The following TSPAN18 variants were observed in gnomAD, a reference collection of about 807,000 sequenced individuals.
TSPAN18 encodes the protein tetraspanin-18.
In TSPAN18, 14 loss-of-function variants were observed where a neutral mutation model predicts 27.3. The ratio of observed to expected loss-of-function variants is 0.51; its 90% confidence interval spans 0.34 to 0.80. The LOEUF (loss-of-function observed/expected upper bound fraction) is 0.80, where lower values mean the gene tolerates loss of function less well. Ranked by LOEUF, TSPAN18 falls within the 30% of genes least tolerant of loss-of-function variation. TSPAN18 has a pLI of 0.01. For synonymous variants in TSPAN18, 143 were observed against 136.5 expected (o/e 1.05, Z -0.33); for missense variants, 268 against 323.9 (o/e 0.83, Z 1.32).
intron 2 of TSPAN18, among the ~76,000 whole-genome samples, chr11:44,849,390 A>G (rs1407279178): frequency 1.3e-5 from 2 of 152,210 alleles, no homozygotes; most frequent in African/African-American, 2.4e-5. Flanking sequence ...CAGAAGAAGT[A>G]GCTAAGCAAG....
intron 1 of TSPAN18, among the ~76,000 whole-genome samples, chr11:44,745,634 A>C (rs1385386809): frequency 6.6e-6 from 1 of 152,198 alleles, no homozygotes; most frequent in Middle Eastern, 3.2e-3. Context: ...TGGTGGGAAC[A>C]TAGGTATGCT....
chr11:44,767,083 C>T (rs190101809), intron 2 of TSPAN18, among the ~76,000 whole-genome samples: 25 of 152,248 alleles, frequency 1.6e-4, no homozygotes, highest in African/African-American at 6.0e-4. Context: ...TGTAACCAAA[C>T]AGTGGGGTTA....
rs538375580 is a variant in TSPAN18, at chr11:44,727,683, G to C, written c.-240+396G>C. Reference sequence around the variant, plus strand: ...AAGGGGCTGCTCGCCACGCCACCCGGTAAGACAGTGAGGGACCAGGGACTG... The same window carrying C: ...AAGGGGCTGCTCGCCACGCCACCCGCTAAGACAGTGAGGGACCAGGGACTG... On this transcript the variant is annotated intron_variant, in intron 1 of 9. Transcript: ENST00000520358. Among the ~76,000 whole-genome samples the C allele has an allele frequency of 1.4e-4, 21 of 152,274 alleles. 1 individual carries two copies. The South Asian group carries it at 3.9e-3, about 29-fold the overall frequency.
intron 2 of TSPAN18, among the ~76,000 whole-genome samples, chr11:44,851,675 C>T (rs1857610111): frequency 6.7e-6 from 1 of 149,464 alleles, no homozygotes; most frequent in Admixed American, 6.8e-5. Context: ...ATACATCTGC[C>T]AAAGCACAGC....
chr11:44,805,418 G>C (rs1221861901), intron 2 of TSPAN18, among the ~76,000 whole-genome samples: 1 of 152,196 alleles, frequency 6.6e-6, no homozygotes, highest in Non-Finnish European at 1.5e-5. Context: ...TGGTAAATCA[G>C]GGAAAGTTTG....
At chr11:44,921,999 T>C (rs369808151) in intron 8 of TSPAN18, among the ~76,000 whole-genome samples, 97 of 152,316 alleles carry the variant, frequency 6.4e-4, no homozygotes, top group African/African-American at 2.3e-3. Flanking sequence ...TCCTGGGGTT[T>C]CTTTGCTGAG....
chr11:44,841,514 TA>T (rs11353014), intron 2 of TSPAN18, among the ~76,000 whole-genome samples: 99,287 of 146,928 alleles, frequency 0.68, 34,566 homozygotes, highest in East Asian at 0.79. Context: ...AAATTCCATC[TA>T]AAAAAAAAAA....
intron 3 of TSPAN18, among the ~76,000 whole-genome samples, chr11:44,887,506 G>A (rs1858696533): frequency 6.6e-6 from 1 of 152,184 alleles, no homozygotes; most frequent in Non-Finnish European, 1.5e-5. Context: ...ATAGACTATA[G>A]TGGGGTTCAA....
chr11:44,790,437 ATGTGTTCGTG>A (rs1452817081), intron 2 of TSPAN18, among the ~76,000 whole-genome samples: 1 of 135,846 alleles, frequency 7.4e-6, no homozygotes, highest in Non-Finnish European at 1.6e-5. Context: ...GTGTGTGTAC[ATGTGTTCGTG>A]TGTGCATGTG....
chr11:44,862,404 C>T (rs1052118453), intron 3 of TSPAN18, among the ~76,000 whole-genome samples: 2 of 152,252 alleles, frequency 1.3e-5, no homozygotes, highest in East Asian at 1.9e-4. Flanking sequence ...GGCCCTCCCC[C>T]AGTCTCTCTC....
intron 5 of TSPAN18, among the ~76,000 whole-genome samples, chr11:44,913,967 A>G (rs1049797442): frequency 2.6e-5 from 4 of 152,268 alleles, no homozygotes; most frequent in Non-Finnish European, 4.4e-5. Context: ...GCGAGTTGGC[A>G]GAGGTGGCAT....
chr11:44,926,601 G>A, intron 8 of TSPAN18, 73 bp from the exon 9 acceptor site: 5 of 1,383,546 alleles, frequency 3.6e-6, no homozygotes, highest in Non-Finnish European at 3.1e-6. Flanking sequence ...ATGAACCCTA[G>A]TCCACATGCT....
At chr11:44,794,725 G>T (rs1286370511) in intron 2 of TSPAN18, among the ~76,000 whole-genome samples, 1 of 151,852 alleles carries the variant, frequency 6.6e-6, no homozygotes, top group Non-Finnish European at 1.5e-5. Context: ...TTCAAATTCT[G>T]GTCCTATCAG....
chr11:44,902,765 A>G (rs1859308878), intron 3 of TSPAN18, among the ~76,000 whole-genome samples: 1 of 152,162 alleles, frequency 6.6e-6, no homozygotes. Flanking sequence ...AGACCTGAGG[A>G]GAGAAGGGTG....
intron 2 of TSPAN18, among the ~76,000 whole-genome samples, chr11:44,819,205 G>A (rs1378698295): frequency 2.0e-5 from 3 of 152,136 alleles, no homozygotes; most frequent in Non-Finnish European, 4.4e-5. Context: ...CCTTTGGCCA[G>A]GGATTGCTGC....
intron 2 of TSPAN18, among the ~76,000 whole-genome samples, chr11:44,790,164 T>TGCGTGTGTGTGTGC (rs138084045): frequency 6.6e-6 from 1 of 150,526 alleles, no homozygotes; most frequent in Non-Finnish European, 1.5e-5. Context: ...TGTGTGTGTG[T>TGCGTGTGTGTGTGC]GCATGTGTGT....
At chr11:44,869,778 C>T (rs1590608147) in intron 3 of TSPAN18, among the ~76,000 whole-genome samples, 1 of 152,330 alleles carries the variant, frequency 6.6e-6, no homozygotes, top group South Asian at 2.1e-4. Flanking sequence ...TGGAGGCCTC[C>T]GTCCCTCACA....
chr11:44,795,210 C>A (rs866520233), intron 2 of TSPAN18, among the ~76,000 whole-genome samples: 1 of 152,050 alleles, frequency 6.6e-6, no homozygotes, highest in Non-Finnish European at 1.5e-5. Flanking sequence ...CCGGTCCTCA[C>A]GCCAGCTGCT....
chr11:44,809,843 G>C (rs975700977), intron 2 of TSPAN18, among the ~76,000 whole-genome samples: 2 of 152,150 alleles, frequency 1.3e-5, no homozygotes, highest in Non-Finnish European at 2.9e-5. Context: ...ACAGCGATTG[G>C]GCCATAGGTA....
Sources: gnomAD v4.1 joint callset for allele counts (sites outside exome capture counted in the v4.1 genomes callset) on GRCh38, gnomAD v4.1.1 for gene constraint, MANE v1.5 for transcripts, NCBI Gene and HGNC (gene_info 2026-07-23, HGNC 2026-07-21) for gene names.